The following BCKDHB variants were observed in gnomAD, a reference collection of about 807,000 sequenced individuals.
The protein encoded by BCKDHB is branched chain keto acid dehydrogenase E1 subunit beta.
Under a neutral mutation model 48.5 loss-of-function variants are expected in BCKDHB, and 41 were observed. The ratio of observed to expected loss-of-function variants is 0.85; its 90% CI spans 0.66 to 1.10. The LOEUF (loss-of-function observed/expected upper bound fraction) is 1.10, where lower values mean the gene tolerates loss of function less well. Ranked by LOEUF, BCKDHB falls within the 50% of genes least tolerant of loss-of-function variation. The pLI is 0.00. For missense variants in BCKDHB, 496 were observed against 494.2 expected (o/e 1.00, Z -0.03); for synonymous variants, 201 against 174.8 (o/e 1.15, Z -1.18).
chr6:80,250,142 C>G (rs759346568), intron 8 of BCKDHB, among the ~76,000 whole-genome samples: 7 of 152,060 alleles, frequency 4.6e-5, no homozygotes, highest in Non-Finnish European at 7.4e-5. Context: ...CTGACCTCTG[C>G]CGGCCTCCCC....
At chr6:80,255,961 C>T (rs746632031) in intron 8 of BCKDHB, among the ~76,000 whole-genome samples, 1 of 152,110 alleles carries the variant, frequency 6.6e-6, no homozygotes, top group East Asian at 1.9e-4. Context: ...GTACCATTAG[C>T]GAAGTGATTT....
In BCKDHB at chr6:80,231,798, C is replaced by T. The variant is rs192138715; in HGVS notation, c.951+28586C>T. Among the ~76,000 whole-genome samples the T allele has an allele frequency of 4.6e-3, 706 of 152,316 alleles. 2 individuals are homozygous for T. Among genetic ancestry groups the T allele is most frequent in the African/African-American group, 0.016 (662 of 41,574 alleles). ...TGACCAACATGGTGAAACCCCGTCT[C>T]TACTAAAGATACAAAAATTAGCCGG... On this transcript the variant is annotated intron_variant, in intron 8 of 9. Transcript: ENST00000320393.
At chr6:80,202,196 C>T (rs1774429672) in intron 7 of BCKDHB, among the ~76,000 whole-genome samples, 1 of 152,058 alleles carries the variant, frequency 6.6e-6, no homozygotes, top group Non-Finnish European at 1.5e-5. Flanking sequence ...TCCTTCTTCC[C>T]TTTGTCTTGA....
At chr6:80,427,814 G>C in the BCKDHB span, among the ~76,000 whole-genome samples, 1 of 152,024 alleles carries the variant, frequency 6.6e-6, no homozygotes, top group African/African-American at 2.4e-5. Context: ...TTGACAAAAA[G>C]TCTGCAGTTG....
intron 1 of BCKDHB, among the ~76,000 whole-genome samples, chr6:80,114,492 T>C (rs1769580768): frequency 6.6e-6 from 1 of 151,948 alleles, no homozygotes; most frequent in African/African-American, 2.4e-5. Context: ...CAAGCAGTCC[T>C]CTTGCTTTGG....
intron 6 of BCKDHB, among the ~76,000 whole-genome samples, chr6:80,181,873 C>G (rs1455270231): frequency 6.6e-6 from 1 of 152,118 alleles, no homozygotes; most frequent in Non-Finnish European, 1.5e-5. Context: ...TGGATTCTGT[C>G]TATTGCTTAA....
downstream of BCKDHB, among the ~76,000 whole-genome samples, chr6:80,350,673 T>C (rs541480307): frequency 3.9e-5 from 6 of 152,264 alleles, no homozygotes; most frequent in Non-Finnish European, 7.4e-5. Flanking sequence ...CTTTTGTTTC[T>C]TGCTGAGCCC....
At chr6:80,244,950 A>T (rs1277393829) in intron 8 of BCKDHB, among the ~76,000 whole-genome samples, 1 of 152,212 alleles carries the variant, frequency 6.6e-6, no homozygotes, top group Non-Finnish European at 1.5e-5. Context: ...GATTGAATTC[A>T]ATTCAACAAA....
chr6:80,456,304 T>C, the BCKDHB span, among the ~76,000 whole-genome samples: 1 of 151,638 alleles, frequency 6.6e-6, no homozygotes, highest in Non-Finnish European at 1.5e-5. Flanking sequence ...ATATCGGATG[T>C]CCATACGTTG....
chr6:80,315,408 G>C (rs1768389925), intron 9 of BCKDHB, among the ~76,000 whole-genome samples: 1 of 152,112 alleles, frequency 6.6e-6, no homozygotes, highest in Non-Finnish European at 1.5e-5. Context: ...GTCACTCCCA[G>C]TTGGGCCATC....
At chr6:80,171,590 G>T (rs1020457174) in intron 6 of BCKDHB, among the ~76,000 whole-genome samples, 200 bp downstream of exon 6, 2 of 151,896 alleles carry the variant, frequency 1.3e-5, no homozygotes, top group Non-Finnish European at 2.9e-5. Context: ...TTTATATTTT[G>T]ATTGTGGAAA....
At position 80,290,141 on chromosome 6, in the gene BCKDHB, T is replaced by C. The variant is rs547482200; in HGVS notation, c.1038+16920T>C. On this transcript the variant is annotated intron_variant, in intron 9 of 9. Transcript: ENST00000320393. ...GAATGCCAACCTAATCCACAGGCTG[T>C]CCCAGTGCCCCCAGGGCTGCTTCAT... Among the ~76,000 whole-genome samples the C allele has an allele frequency of 6.2e-4, 95 of 152,250 alleles. 1 individual carries two copies. The highest frequency in any genetic ancestry group is 2.3e-3 in the African/African-American group (94 of 41,550).
chr6:80,362,017 CCAT>C, the BCKDHB span, among the ~76,000 whole-genome samples: 1 of 151,962 alleles, frequency 6.6e-6, no homozygotes. Context: ...TTTAGATATA[CCAT>C]CTGTGTATAC....
intron 1 of BCKDHB, among the ~76,000 whole-genome samples, chr6:80,120,884 A>C (rs1769977891): frequency 6.6e-6 from 1 of 151,962 alleles, no homozygotes; most frequent in Non-Finnish European, 1.5e-5. Flanking sequence ...CCCTTTGTCT[A>C]TTTTGTCTTT....
At chr6:80,186,029 T>G (rs1274634122) in intron 6 of BCKDHB, among the ~76,000 whole-genome samples, 1 of 152,190 alleles carries the variant, frequency 6.6e-6, no homozygotes, top group Non-Finnish European at 1.5e-5. Context: ...CTTGAGTTGG[T>G]TGGCCTCTAC....
At chr6:80,222,123 T>C (rs892146982) in intron 8 of BCKDHB, among the ~76,000 whole-genome samples, 1 of 152,172 alleles carries the variant, frequency 6.6e-6, no homozygotes, top group Non-Finnish European at 1.5e-5. Flanking sequence ...ACTCTCAGGC[T>C]CCCTCCTTTC....
intron 3 of BCKDHB, among the ~76,000 whole-genome samples, chr6:80,141,857 C>T (rs923889109): frequency 6.6e-6 from 1 of 152,028 alleles, no homozygotes; most frequent in Non-Finnish European, 1.5e-5. Context: ...CACACATCCA[C>T]GTAATATGAA....
intron 1 of BCKDHB, among the ~76,000 whole-genome samples, chr6:80,121,747 A>T (rs1423671604): frequency 6.6e-6 from 1 of 152,172 alleles, no homozygotes; most frequent in Admixed American, 6.6e-5. Context: ...GCTTAAGGAG[A>T]TTTTGGGCTG....
rs114109922 is a variant in BCKDHB at position 80,215,567 on chromosome 6, A to G, written c.951+12355A>G. On this transcript the variant is annotated intron_variant, in intron 8 of 9. Transcript: ENST00000320393. ...TATTTGTTGAACCATCTGAAAAATA[A>G]CGTGGCATTTGGTTTTTCAGTGAAA... 2.3e-3 allele frequency among the ~76,000 whole-genome samples: 349 copies of G among 152,364 alleles called. 1 individual carries two copies. The highest frequency in any genetic ancestry group is 7.7e-3 in the African/African-American group (322 of 41,590).
Sources: gnomAD v4.1 joint callset for allele counts (sites outside exome capture counted in the v4.1 genomes callset) on GRCh38, gnomAD v4.1.1 for gene constraint, MANE v1.5 for transcripts, NCBI Gene and HGNC (gene_info 2026-07-23, HGNC 2026-07-21) for gene names.